CDH12: variants seen among roughly 807,000 people sequenced by gnomAD.
CDH12 encodes cadherin 12, also known as cadherin-12.
Under a neutral mutation model 74.1 loss-of-function variants are expected in CDH12, and 41 were observed. The observed-to-expected ratio is 0.55, with a 90% CI of 0.43 to 0.72. The LOEUF is 0.72. CDH12 is among the 30% of genes least tolerant of loss of function. The pLI, the probability that CDH12 is intolerant of heterozygous loss-of-function variation, is 0.00. For missense variants in CDH12, 945 were observed against 977.2 expected, an observed-to-expected ratio of 0.97 and a Z score of 0.44; for synonymous variants, 399 against 355.0, an observed-to-expected ratio of 1.12 and a Z score of -1.39.
At chr5:22,529,185 A>C (rs1477630173) in intron 1 of CDH12, among the ~76,000 whole-genome samples, 1 of 52,770 alleles carries the variant, frequency 1.9e-5, no homozygotes, top group Non-Finnish European at 4.1e-5. Flanking sequence ...ATATATATAT[A>C]TATAGAGAGA....
chr5:22,108,863 T>C (rs1744655008), intron 4 of CDH12, among the ~76,000 whole-genome samples: 1 of 152,178 alleles, frequency 6.6e-6, no homozygotes, highest in Non-Finnish European at 1.5e-5. Flanking sequence ...CCAGGTTTTT[T>C]CAGCAACCCC....
At chr5:22,599,151 T>C (rs746690145) in intron 1 of CDH12, among the ~76,000 whole-genome samples, 7 of 152,202 alleles carry the variant, frequency 4.6e-5, no homozygotes, top group East Asian at 1.9e-4. Flanking sequence ...CACCTATATA[T>C]GGTTCAGCAT....
intron 1 of CDH12, among the ~76,000 whole-genome samples, chr5:22,572,424 T>C (rs1739585456): frequency 6.6e-6 from 1 of 152,294 alleles, no homozygotes; most frequent in African/African-American, 2.4e-5. Flanking sequence ...GCAATGAAAT[T>C]ACTTATTTTA....
chr5:22,456,489 T>C (rs1745279932), intron 2 of CDH12, among the ~76,000 whole-genome samples: 1 of 152,148 alleles, frequency 6.6e-6, no homozygotes, highest in South Asian at 2.1e-4. Context: ...CTACTACATT[T>C]AAGCTGTCCG....
At chr5:22,824,262 T>C (rs1749886311) in intron 1 of CDH12, among the ~76,000 whole-genome samples, 1 of 151,938 alleles carries the variant, frequency 6.6e-6, no homozygotes, top group South Asian at 2.1e-4. Context: ...AAACTGAGTG[T>C]GTAACTGTCA....
intron 5 of CDH12, among the ~76,000 whole-genome samples, chr5:21,976,200 A>C (rs955881767): frequency 6.6e-6 from 1 of 152,182 alleles, no homozygotes; most frequent in African/African-American, 2.4e-5. Flanking sequence ...TAGAATATTT[A>C]TGTTGAGTAA....
At chr5:22,544,202 C>G (rs1026952349) in intron 1 of CDH12, among the ~76,000 whole-genome samples, 3 of 151,930 alleles carry the variant, frequency 2.0e-5, no homozygotes, top group Non-Finnish European at 4.4e-5. Flanking sequence ...ATCACAGTTG[C>G]CTTCCAATGA....
intron 1 of CDH12, among the ~76,000 whole-genome samples, chr5:22,806,477 C>A (rs1448386800): frequency 1.3e-5 from 2 of 151,692 alleles, no homozygotes; most frequent in African/African-American, 4.8e-5. Context: ...CTCAGCCTCC[C>A]GAGTAGCTGG....
At chr5:21,894,165 G>A (rs997259826) in intron 6 of CDH12, among the ~76,000 whole-genome samples, 2 of 152,022 alleles carry the variant, frequency 1.3e-5, no homozygotes, top group Non-Finnish European at 2.9e-5. Flanking sequence ...GATCACCTGA[G>A]GTCAGCAGTT....
intron 1 of CDH12, among the ~76,000 whole-genome samples, chr5:22,626,614 A>G (rs888463635): frequency 4.6e-4 from 70 of 152,314 alleles, no homozygotes; most frequent in African/African-American, 1.6e-3. Flanking sequence ...AGAAATATCA[A>G]AGAGTAAAGG....
chr5:22,163,318 T>C (rs1443003893), intron 4 of CDH12, among the ~76,000 whole-genome samples: 1 of 152,180 alleles, frequency 6.6e-6, no homozygotes, highest in African/African-American at 2.4e-5. Flanking sequence ...TCCAAATACA[T>C]ATTTCCAGCC....
intron 5 of CDH12, among the ~76,000 whole-genome samples, chr5:22,036,330 T>C (rs879578263): frequency 2.0e-5 from 3 of 152,142 alleles, no homozygotes; most frequent in Non-Finnish European, 4.4e-5. Flanking sequence ...CTAGGGACTA[T>C]AGACAGAGTT....
chr5:21,833,253 T>C (rs1326311264), intron 8 of CDH12, among the ~76,000 whole-genome samples: 8 of 36,860 alleles, frequency 2.2e-4, no homozygotes, highest in South Asian at 1.7e-3. Context: ...TATTATATAT[T>C]ATATAACATA....
At chr5:22,362,370 A>G (rs1300393655) in intron 3 of CDH12, among the ~76,000 whole-genome samples, 2 of 152,300 alleles carry the variant, frequency 1.3e-5, no homozygotes, top group East Asian at 3.9e-4. Flanking sequence ...GCAAATCAAA[A>G]CCACAATGAG....
At chr5:21,837,530 A>G (rs757616248) in intron 8 of CDH12, among the ~76,000 whole-genome samples, 2 of 151,726 alleles carry the variant, frequency 1.3e-5, no homozygotes, top group African/African-American at 2.4e-5. Flanking sequence ...TAGTTGTGGG[A>G]AATTCTTTCT....
intron 1 of CDH12, among the ~76,000 whole-genome samples, chr5:22,681,302 T>G (rs1741481393): frequency 6.6e-6 from 1 of 151,420 alleles, no homozygotes; most frequent in Non-Finnish European, 1.5e-5. Context: ...TTTTTCTAAC[T>G]ATTGAAGGTT....
chr5:22,751,567 T>C (rs1023692376), intron 1 of CDH12, among the ~76,000 whole-genome samples: 5 of 152,158 alleles, frequency 3.3e-5, no homozygotes, highest in Admixed American at 6.6e-5. Flanking sequence ...TTTCTCATCA[T>C]TCTTAAAATA....
At chr5:22,674,560 G>A (rs1349417641) in intron 1 of CDH12, among the ~76,000 whole-genome samples, 1 of 152,150 alleles carries the variant, frequency 6.6e-6, no homozygotes, top group Non-Finnish European at 1.5e-5. Context: ...CTGAAAATGT[G>A]GAAGTGACTT....
intron 2 of CDH12, among the ~76,000 whole-genome samples, chr5:22,495,804 G>A (rs1747084789): frequency 6.6e-6 from 1 of 152,090 alleles, no homozygotes; most frequent in Non-Finnish European, 1.5e-5. Context: ...CTTAATAATT[G>A]CAATGTGAGT....
Sources: allele counts gnomAD v4.1 joint callset (sites outside exome capture counted in the v4.1 genomes callset), GRCh38; gene constraint gnomAD v4.1.1; transcripts MANE v1.5; gene names NCBI Gene and HGNC (gene_info 2026-07-23, HGNC 2026-07-21).